GALK2: variants seen among roughly 807,000 people sequenced by gnomAD.
The protein encoded by GALK2 is galactokinase 2, also known as N-acetylgalactosamine kinase.
In GALK2, 36 loss-of-function variants were observed where a neutral mutation model predicts 52.4. The ratio of observed to expected loss-of-function variants is 0.69; its 90% CI spans 0.53 to 0.91. The LOEUF (loss-of-function observed/expected upper bound fraction) is 0.91, where lower values mean the gene tolerates loss of function less well. Among genes scored for constraint, GALK2 ranks in the 40% least tolerant of loss-of-function variants. The pLI, the probability that GALK2 is intolerant of heterozygous loss-of-function variation, is 0.00. For synonymous variants in GALK2, 176 were observed against 199.1 expected, an observed-to-expected ratio of 0.88 and a Z score of 0.98; for missense variants, 579 against 559.1, an observed-to-expected ratio of 1.04 and a Z score of -0.36.
intron 5 of GALK2, among the ~76,000 whole-genome samples, chr15:49,243,861 G>T (rs184928569): frequency 7.9e-5 from 12 of 152,106 alleles, no homozygotes; most frequent in Non-Finnish European, 1.6e-4. Flanking sequence ...GGTGGCTCAT[G>T]CCTGCAATCT....
chr15:49,291,618 A>T (rs2033944423), intron 7 of GALK2, among the ~76,000 whole-genome samples: 1 of 152,168 alleles, frequency 6.6e-6, no homozygotes, highest in African/African-American at 2.4e-5. Context: ...AATGACAGAA[A>T]TATATTCTGG....
At chr15:49,327,437 G>A (rs1279791587) in intron 9 of GALK2, 1 of 152,456 alleles carries the variant, frequency 6.6e-6, no homozygotes, top group Non-Finnish European at 1.5e-5. Flanking sequence ...TGTTCTAGGG[G>A]ACTGATTCTT....
intron 3 of GALK2, among the ~76,000 whole-genome samples, chr15:49,349,282 T>G (rs1381094714): frequency 6.6e-6 from 1 of 152,012 alleles, no homozygotes; most frequent in East Asian, 1.9e-4. Context: ...CCTTTGTTCA[T>G]CAAGTTCTTA....
At chr15:49,346,224 A>G (rs2041483686) in intron 3 of GALK2, among the ~76,000 whole-genome samples, 1 of 152,186 alleles carries the variant, frequency 6.6e-6, no homozygotes, top group Non-Finnish European at 1.5e-5. Context: ...TGAGACCACC[A>G]GCCCTTGAGC....
intron 3 of GALK2, among the ~76,000 whole-genome samples, chr15:49,228,052 T>C (rs1030471275): frequency 6.6e-6 from 1 of 152,182 alleles, no homozygotes; most frequent in Non-Finnish European, 1.5e-5. Context: ...TCCCATTTTC[T>C]CAGGGCCTGT....
chr15:49,204,364 A>ATTTTTTT (rs199895287), intron 2 of GALK2, among the ~76,000 whole-genome samples: 2 of 151,472 alleles, frequency 1.3e-5, no homozygotes, highest in African/African-American at 2.4e-5. Context: ...AAATTTTAGA[A>ATTTTTTT]TTAATTTCTG....
At chr15:49,243,941 A>G (rs1205331418) in intron 5 of GALK2, among the ~76,000 whole-genome samples, 2 of 151,936 alleles carry the variant, frequency 1.3e-5, no homozygotes, top group African/African-American at 4.8e-5. Flanking sequence ...TGGGCAACAC[A>G]GTGAGACCTT....
In GALK2 at chr15:49,295,995, C is replaced by A. The variant is rs1162089625; in HGVS notation, c.967+3458C>A. Among the ~76,000 whole-genome samples the A allele has an allele frequency of 2.0e-5, 3 of 152,202 alleles. No homozygotes were observed. The East Asian group carries it at 5.8e-4, about 29-fold the overall frequency. On this transcript the variant is annotated intron_variant, in intron 8 of 9. Transcript: ENST00000560031. ...TTTGCTTATCAAACAACATGTATTG[C>A]TCTCTCTCTGCCTCTCTATGTATAT...
At chr15:49,179,311 G>A (rs539942875) in intron 1 of GALK2, among the ~76,000 whole-genome samples, 1 of 152,228 alleles carries the variant, frequency 6.6e-6, no homozygotes, top group African/African-American at 2.4e-5. Flanking sequence ...GAAAATTGAG[G>A]CATGGAGCAA....
chr15:49,361,277 C>T (rs1030354622), intron 3 of GALK2, among the ~76,000 whole-genome samples: 2 of 151,812 alleles, frequency 1.3e-5, no homozygotes, highest in Non-Finnish European at 2.9e-5. Context: ...TTCAGGGGTA[C>T]ATGTGGAGGT....
At chr15:49,247,446 A>C (rs1370007028) in intron 5 of GALK2, among the ~76,000 whole-genome samples, 1 of 152,212 alleles carries the variant, frequency 6.6e-6, no homozygotes, top group Non-Finnish European at 1.5e-5. Flanking sequence ...AGAAAAGAGA[A>C]GAGAAAAAAG....
chr15:49,273,521 A>C (rs2031101796), intron 5 of GALK2, among the ~76,000 whole-genome samples: 1 of 151,952 alleles, frequency 6.6e-6, no homozygotes, highest in African/African-American at 2.4e-5. Flanking sequence ...TGAAGAAGAA[A>C]TAATAGCCTC....
At chr15:49,350,743 C>G (rs2042121674) in intron 3 of GALK2, among the ~76,000 whole-genome samples, 1 of 152,132 alleles carries the variant, frequency 6.6e-6, no homozygotes, top group African/African-American at 2.4e-5. Context: ...ACACAGGAAG[C>G]TTCTCTCTTA....
intron 3 of GALK2, among the ~76,000 whole-genome samples, chr15:49,364,313 G>T (rs2044744132): frequency 6.6e-6 from 1 of 152,054 alleles, no homozygotes; most frequent in African/African-American, 2.4e-5. Flanking sequence ...TCTGTTCAGG[G>T]ATTCAGTTTA....
Position 49,328,671 on chromosome 15 carries a change from G to C in GALK2, c.*512G>C, listed in dbSNP as rs150753064. Reference sequence around the variant, plus strand: ...ACATTCTCTCTCAATTTCAGCTTCGGAACGCTATGAAAATAATACATGATT... The same window carrying C: ...ACATTCTCTCTCAATTTCAGCTTCGCAACGCTATGAAAATAATACATGATT... On this transcript the variant is annotated 3_prime_UTR_variant, in exon 10 of 10. Transcript: ENST00000560031. 1,541 of 1,556,410 alleles carry C rather than the reference G, an allele frequency of 9.9e-4. 13 individuals are homozygous for C. The African/African-American group carries it at 0.019, about 19-fold the overall frequency.
intron 2 of GALK2, among the ~76,000 whole-genome samples, chr15:49,202,266 A>C (rs2087849394): frequency 6.6e-6 from 1 of 152,020 alleles, no homozygotes; most frequent in South Asian, 2.1e-4. Context: ...TGGCCTCCCA[A>C]AGTGCTGAGA....
chr15:49,240,570 A>G (rs2141508890), intron 5 of GALK2, among the ~76,000 whole-genome samples: 1 of 152,328 alleles, frequency 6.6e-6, no homozygotes, highest in East Asian at 1.9e-4. Context: ...TAGGACATCT[A>G]AATGGAGACA....
intron 3 of GALK2, among the ~76,000 whole-genome samples, chr15:49,357,609 CA>C (rs1194467069): frequency 1.3e-5 from 2 of 150,308 alleles, no homozygotes; most frequent in East Asian, 2.0e-4. Flanking sequence ...GCTTACCAAC[CA>C]AAAAGAGTCC....
chr15:49,222,142 G>T (rs2089842251), intron 3 of GALK2, among the ~76,000 whole-genome samples: 3 of 151,694 alleles, frequency 2.0e-5, no homozygotes, highest in African/African-American at 7.3e-5. Flanking sequence ...TTATTCTTAG[G>T]TATTTTTTTT....
Sources: allele counts gnomAD v4.1 joint callset (sites outside exome capture counted in the v4.1 genomes callset), GRCh38; gene constraint gnomAD v4.1.1; transcripts MANE v1.5; gene names NCBI Gene and HGNC (gene_info 2026-07-23, HGNC 2026-07-21).